TTLL1: variants seen among roughly 807,000 people sequenced by gnomAD.
TTLL1 encodes the protein TTL family tubulin polyglutamylase complex subunit L1.
A neutral mutation model predicts 47.8 loss-of-function variants in TTLL1; 33 were observed. The ratio of observed to expected loss-of-function variants is 0.69; its 90% CI spans 0.52 to 0.92. The LOEUF (loss-of-function observed/expected upper bound fraction) is 0.92. Among genes scored for constraint, TTLL1 ranks in the 40% least tolerant of loss-of-function variants. The probability of loss-of-function intolerance (pLI) is 0.00; values close to 1 mark genes in which losing one functional copy is unlikely to be tolerated. For synonymous variants in TTLL1, 225 were observed against 214.1 expected, an observed-to-expected ratio of 1.05 and a Z score of -0.45; for missense variants, 488 against 547.5, an observed-to-expected ratio of 0.89 and a Z score of 1.08.
At chr22:43,045,957 A>G (rs1338532823) in intron 10 of TTLL1, among the ~76,000 whole-genome samples, 3 of 152,180 alleles carry the variant, frequency 2.0e-5, no homozygotes, top group Admixed American at 1.3e-4. Flanking sequence ...GCAGTGGCTC[A>G]CACTTGTAAT....
chr22:43,079,450 G>T (rs535890921), intron 2 of TTLL1, among the ~76,000 whole-genome samples: 1 of 152,210 alleles, frequency 6.6e-6, no homozygotes, highest in Non-Finnish European at 1.5e-5. Context: ...ACGGGGCCAC[G>T]CCAATGGCTC....
At chr22:43,064,744 A>G (rs1471320870) in intron 5 of TTLL1, among the ~76,000 whole-genome samples, 1 of 151,342 alleles carries the variant, frequency 6.6e-6, no homozygotes, top group Non-Finnish European at 1.5e-5. Flanking sequence ...AAATAAGTAA[A>G]TAAATAAATA....
chr22:43,078,012 G>A (rs1928623290), intron 2 of TTLL1, among the ~76,000 whole-genome samples: 1 of 151,958 alleles, frequency 6.6e-6, no homozygotes, highest in African/African-American at 2.4e-5. Context: ...GGAAGCTGAG[G>A]CAGGAGGATC....
intron 1 of TTLL1, among the ~76,000 whole-genome samples, chr22:43,088,152 T>C (rs971244483): frequency 1.6e-4 from 24 of 151,414 alleles, no homozygotes; most frequent in Non-Finnish European, 2.4e-4. Context: ...TAAAAATAAA[T>C]AAATAAATAA....
chr22:43,039,798 G>A lies in TTLL1; in HGVS notation c.1250C>T (p.Ala417Val), dbSNP rs1398793711. 10 of 1,612,810 alleles carry A rather than the reference G, an allele frequency of 6.2e-6. No individual in the cohort carries two copies. The highest frequency in any genetic ancestry group is 1.7e-5 in the Admixed American group (1 of 59,888). The change falls in exon 11 of 11, where the codon GCG becomes GTG. Residue 417 changes from alanine to valine, a missense_variant. Transcript: ENST00000266254. ...GACTCACTTCCAGGTGGTGAGGACC[G>A]CTCTCCCCGAGTCTCTCGATCGGCC... ...RAGRSRDSGR[A>V]VLTTWK
intron 1 of TTLL1, among the ~76,000 whole-genome samples, chr22:43,083,876 A>G (rs1326799845): frequency 6.6e-6 from 1 of 152,184 alleles, no homozygotes; most frequent in African/African-American, 2.4e-5. Flanking sequence ...AATCAAGAAA[A>G]AAAATGAAAA....
intron 5 of TTLL1, among the ~76,000 whole-genome samples, chr22:43,066,195 A>G (rs1927724249): frequency 6.6e-6 from 1 of 151,660 alleles, no homozygotes. Flanking sequence ...TCAAGCTACT[A>G]GAAAAAAAAT....
intron 10 of TTLL1, among the ~76,000 whole-genome samples, chr22:43,042,058 C>A (rs1046433774): frequency 1.6e-4 from 25 of 152,130 alleles, no homozygotes; most frequent in African/African-American, 5.8e-4. Flanking sequence ...ATCAGATACC[C>A]CTACCCCGTG....
chr22:43,085,900 G>A (rs777051375), intron 1 of TTLL1, among the ~76,000 whole-genome samples: 17 of 152,094 alleles, frequency 1.1e-4, no homozygotes, highest in Non-Finnish European at 1.2e-4. Flanking sequence ...GCTCAGGAGC[G>A]GGCTGGCTCA....
rs191452392 is a variant in TTLL1 at position 43,076,552 on chromosome 22, C to T, written c.-4-962G>A. ...AGATCATGAGGTCAGGAGATTGAGA[C>T]CATCCTGGCTAACACGGTGAAACCC... On this transcript the variant is annotated intron_variant, in intron 2 of 10. Coordinates refer to ENST00000266254, the MANE Select transcript of TTLL1 (RefSeq NM_012263.5). 8.3e-3 allele frequency among the ~76,000 whole-genome samples: 1,261 copies of T among 151,840 alleles called. 13 individuals are homozygous for T. The highest frequency in any genetic ancestry group is 0.048 in the South Asian group (229 of 4,818).
At chr22:43,047,592 C>T (rs1011450880) in intron 9 of TTLL1, among the ~76,000 whole-genome samples, 3 of 152,092 alleles carry the variant, frequency 2.0e-5, no homozygotes, top group Non-Finnish European at 2.9e-5. Context: ...CCTCAGCCTC[C>T]TGGGTAGCTG....
At chr22:43,072,786 C>A (rs1036746679) in intron 3 of TTLL1, among the ~76,000 whole-genome samples, 5 of 152,002 alleles carry the variant, frequency 3.3e-5, no homozygotes, top group African/African-American at 1.2e-4. Flanking sequence ...CACCACCCAG[C>A]TAATTTTTTT....
chr22:43,075,200 A>C (rs1928403670), intron 3 of TTLL1, among the ~76,000 whole-genome samples: 1 of 152,140 alleles, frequency 6.6e-6, no homozygotes, highest in Non-Finnish European at 1.5e-5. Context: ...GCTCACTGGA[A>C]GGGGAGGGCT....
At chr22:43,081,634 C>T (rs1229053940) in intron 1 of TTLL1, among the ~76,000 whole-genome samples, 1 of 152,056 alleles carries the variant, frequency 6.6e-6, no homozygotes, top group Non-Finnish European at 1.5e-5. Context: ...ACTGCAACCT[C>T]CGCCTCCTGG....
chr22:43,045,948 C>T (rs1394729016), intron 10 of TTLL1, among the ~76,000 whole-genome samples: 1 of 152,136 alleles, frequency 6.6e-6, no homozygotes, highest in African/African-American at 2.4e-5. Flanking sequence ...GGGCTGGGTG[C>T]AGTGGCTCAC....
chr22:43,065,137 T>C (rs996654133), intron 5 of TTLL1, among the ~76,000 whole-genome samples: 2 of 151,902 alleles, frequency 1.3e-5, no homozygotes, highest in Non-Finnish European at 2.9e-5. Flanking sequence ...AGAGCAAGAC[T>C]CCATCTCAAA....
chr22:43,051,034 G>A (rs1044756985), intron 9 of TTLL1, among the ~76,000 whole-genome samples: 1 of 152,242 alleles, frequency 6.6e-6, no homozygotes, highest in African/African-American at 2.4e-5. Flanking sequence ...GTGGACTTGG[G>A]TGTCCTGGCT....
At chr22:43,041,532 C>CT (rs112180579) in intron 10 of TTLL1, among the ~76,000 whole-genome samples, 26 of 140,300 alleles carry the variant, frequency 1.9e-4, no homozygotes, top group South Asian at 2.2e-4. Context: ...TTTCTGATTC[C>CT]TTTTTTTTTT....
chr22:43,060,115 G>A (rs1166727244), intron 7 of TTLL1, among the ~76,000 whole-genome samples: 3 of 152,126 alleles, frequency 2.0e-5, no homozygotes, highest in African/African-American at 7.2e-5. Flanking sequence ...GTGAGCCACC[G>A]CGCTTGGCCT....
Sources: gnomAD v4.1 joint callset for allele counts (sites outside exome capture counted in the v4.1 genomes callset) on GRCh38, gnomAD v4.1.1 for gene constraint, MANE v1.5 for transcripts, NCBI Gene and HGNC (gene_info 2026-07-23, HGNC 2026-07-21) for gene names.